Variants in UBE2J1 observed in about 807,000 individuals in gnomAD.
The protein encoded by UBE2J1 is ubiquitin conjugating enzyme E2 J1, also known as ubiquitin-conjugating enzyme E2 J1.
UBE2J1 carries 17 observed loss-of-function variants against 42.1 expected under a neutral mutation model. The ratio of observed to expected loss-of-function variants is 0.40; its 90% CI spans 0.28 to 0.61. UBE2J1 has a LOEUF of 0.61. Among genes scored for constraint, UBE2J1 ranks in the 20% least tolerant of loss-of-function variants. UBE2J1 has a pLI of 0.38. For missense variants in UBE2J1, 291 were observed against 389.4 expected (o/e 0.75, Z 2.13); for synonymous variants, 127 against 137.2 (o/e 0.93, Z 0.52).
chr6:89,352,539 C>A lies in UBE2J1; in HGVS notation c.31G>T (p.Ala11Ser), dbSNP rs867801291. Residue 11 changes from alanine (A) to serine (S), a missense_variant and splice_region_variant, in exon 1 of 8, where the codon GCT becomes TCT. Coordinates refer to ENST00000435041, the MANE Select transcript of UBE2J1 (RefSeq NM_016021.3). Reference sequence around the variant, plus strand: ...GCCCAGGGGCCCCAGCCCTGCTCACCCGGACTCTTCAGGTTGTAGCGGGTC... The same window carrying A: ...GCCCAGGGGCCCCAGCCCTGCTCACACGGACTCTTCAGGTTGTAGCGGGTC... METRYNLKSP[A>S]VKRLMKEAAE... is the part of the protein sequence containing the mutation. 2 of 1,571,014 alleles carry A rather than the reference C, an allele frequency of 1.3e-6. No individual in the cohort carries two copies. Among genetic ancestry groups the A allele is most frequent in the East Asian group, 5.0e-5 (2 of 39,850 alleles).
Position 89,345,729 on chromosome 6 carries a change from G to GA in UBE2J1, c.32-1974dup, listed in dbSNP as rs544048948. Among the ~76,000 whole-genome samples the GA allele has an allele frequency of 3.7e-3, 567 of 151,814 alleles. 4 individuals are homozygous for GA. The highest frequency in any genetic ancestry group is 0.012 in the African/African-American group (497 of 41,344). Reference sequence around the variant, plus strand: ...TTGAAACCAGCCTGACCAGCATAGTGAAACCCCATCTCTACTAAAAATACA... The same window carrying GA: ...TTGAAACCAGCCTGACCAGCATAGTGAAAACCCCATCTCTACTAAAAATACA... On this transcript the variant is annotated intron_variant, in intron 1 of 7. Coordinates refer to ENST00000435041, the MANE Select transcript of UBE2J1 (RefSeq NM_016021.3).
At chr6:89,343,292 G>T (rs1472341801) in intron 2 of UBE2J1, among the ~76,000 whole-genome samples, 1 of 151,914 alleles carries the variant, frequency 6.6e-6, no homozygotes, top group South Asian at 2.1e-4. Flanking sequence ...AAAATTAGCC[G>T]GGCGTGGTGG....
chr6:89,352,674 AGGAGCCTCGGCAAATGC>A lies in UBE2J1; in HGVS notation c.-122_-106del. The stretch of plus-strand genomic sequence containing the variant: ...GGCTCGGGCGGACGGGGCCTGGCCG[AGGAGCCTCGGCAAATGC>A]CGCCCAGTCCAGCCTGGACTGCGGG... On this transcript the variant is annotated 5_prime_UTR_variant, in exon 1 of 8. Transcript: ENST00000435041. 7.6e-6 allele frequency: 10 copies of A among 1,321,282 alleles called. No individual in the cohort carries two copies. The highest frequency in any genetic ancestry group is 9.9e-6 in the Non-Finnish European group (10 of 1,007,874). The allele number at this position is 1,321,282 out of a possible 1,614,324, so 81.8% of individuals were successfully genotyped here.
In UBE2J1 at chr6:89,332,088, A is replaced by G. The variant is rs116375563; in HGVS notation, c.678+998T>C. ...CTCTCTGAATAGGAGAGACTCACTC[A>G]AGACTATTCACTCCCACTTTACGTA... On this transcript the variant is annotated intron_variant, in intron 7 of 7. Coordinates refer to ENST00000435041, the MANE Select transcript of UBE2J1 (RefSeq NM_016021.3). 9.0e-3 allele frequency among the ~76,000 whole-genome samples: 1,365 copies of G among 152,280 alleles called. 12 individuals carry two copies. Among genetic ancestry groups the G allele is most frequent in the African/African-American group, 0.026 (1,069 of 41,550 alleles).
intron 3 of UBE2J1, among the ~76,000 whole-genome samples, chr6:89,341,207 T>C (rs1768241116): frequency 1.3e-5 from 2 of 152,242 alleles, no homozygotes; most frequent in African/African-American, 4.8e-5. Flanking sequence ...CTGAGATTGG[T>C]GTAGTTTCAT....
chr6:89,345,283 G>A (rs1450184513), intron 1 of UBE2J1, among the ~76,000 whole-genome samples: 3 of 152,130 alleles, frequency 2.0e-5, no homozygotes, highest in Non-Finnish European at 4.4e-5. Context: ...ACAATGGTTT[G>A]GTATGTATCA....
At position 89,340,035 on chromosome 6, in the gene UBE2J1, A is replaced by C. The variant is rs1768213929; in HGVS notation, c.238-1492T>G. ...TATCTCAAGTTAAAAAAAAAAAAAG[A>C]ATCTAAAAGAGAAGACATTCAAGAG... On this transcript the variant is annotated intron_variant, in intron 3 of 7. Coordinates refer to ENST00000435041, the MANE Select transcript of UBE2J1 (RefSeq NM_016021.3). Among the ~76,000 whole-genome samples the C allele has an allele frequency of 2.0e-5, 3 of 148,706 alleles. No homozygotes were observed. In the South Asian group the frequency reaches 6.5e-4, roughly 32 times the overall value.
rs1424212632 is a variant in UBE2J1, at chr6:89,326,812, C to A, written c.*2867G>T. 6.6e-6 allele frequency: 1 copy of A among 152,042 alleles called. No individual in the cohort carries two copies. The highest frequency in any genetic ancestry group is 2.4e-5 in the African/African-American group (1 of 41,388). The allele number at this position is 152,042 out of a possible 1,614,324, so 9.4% of individuals were successfully genotyped here. On this transcript the variant is annotated 3_prime_UTR_variant, in exon 8 of 8. Coordinates refer to ENST00000435041, the MANE Select transcript of UBE2J1 (RefSeq NM_016021.3). Reference sequence around the variant, plus strand: ...AAATGCATTAACCTTACATATACTTCCAATTAAAAAAACACATAGGCTTTT... The same window carrying A: ...AAATGCATTAACCTTACATATACTTACAATTAAAAAAACACATAGGCTTTT...
chr6:89,338,367 T>A, intron 4 of UBE2J1, 57 bp from the exon 5 acceptor site: 3 of 1,583,400 alleles, frequency 1.9e-6, no homozygotes, highest in Non-Finnish European at 2.6e-6. Context: ...ACTGGGTTTA[T>A]TCTGGAAAAA....
At chr6:89,343,005 C>T (rs948081228) in intron 2 of UBE2J1, among the ~76,000 whole-genome samples, 1 of 151,962 alleles carries the variant, frequency 6.6e-6, no homozygotes. Context: ...ATTTAAATAC[C>T]CTCCTTTTAC....
At chr6:89,336,970 G>C (rs1768118840) in intron 5 of UBE2J1, among the ~76,000 whole-genome samples, 1 of 151,750 alleles carries the variant, frequency 6.6e-6, no homozygotes, top group Non-Finnish European at 1.5e-5. Flanking sequence ...TCTCTAAGTA[G>C]CTGAGACTAC....
intron 3 of UBE2J1, among the ~76,000 whole-genome samples, chr6:89,339,970 C>T (rs1768212159): frequency 6.6e-6 from 1 of 150,748 alleles, no homozygotes; most frequent in African/African-American, 2.4e-5. Context: ...GAGCTGTGAT[C>T]ATGCTATTGG....
intron 1 of UBE2J1, among the ~76,000 whole-genome samples, chr6:89,346,197 C>T (rs1409701288): frequency 6.6e-6 from 1 of 152,066 alleles, no homozygotes. Context: ...TGTTACTATC[C>T]TACTTCACAA....
Position 89,338,316 on chromosome 6 carries a change from A to G in UBE2J1, c.323-6T>C, listed in dbSNP as rs771028963. 6.2e-7 allele frequency: 1 copy of G among 1,608,434 alleles called. No homozygotes were observed. The highest frequency in any genetic ancestry group is 8.5e-7 in the Non-Finnish European group (1 of 1,177,720). ...GGCTAATAATGCTGTCCTTACTGAA[A>G]TAAAAAAGTAAATATCAATCTAAAT... On this transcript the variant is annotated splice_region_variant and splice_polypyrimidine_tract_variant and intron_variant, in intron 4 of 7. Coordinates refer to ENST00000435041, the MANE Select transcript of UBE2J1 (RefSeq NM_016021.3).
chr6:89,332,671 G>C (rs1263486666), intron 7 of UBE2J1, among the ~76,000 whole-genome samples: 1 of 152,174 alleles, frequency 6.6e-6, no homozygotes, highest in Non-Finnish European at 1.5e-5. Context: ...TACTGTGTTG[G>C]ACAGAGCAAG....
At chr6:89,341,707 G>A (rs572070245) in intron 3 of UBE2J1, among the ~76,000 whole-genome samples, 1 of 150,686 alleles carries the variant, frequency 6.6e-6, no homozygotes, top group Admixed American at 6.6e-5. Flanking sequence ...CTGGGCAACA[G>A]AGAAAGACCG....
chr6:89,350,284 T>A (rs375321810), intron 1 of UBE2J1, among the ~76,000 whole-genome samples: 1 of 152,222 alleles, frequency 6.6e-6, no homozygotes, highest in Non-Finnish European at 1.5e-5. Flanking sequence ...CCACATCAGA[T>A]AAAGAGTAAA....
intron 1 of UBE2J1, among the ~76,000 whole-genome samples, chr6:89,352,152 T>C (rs1768495682): frequency 6.6e-6 from 1 of 152,114 alleles, no homozygotes; most frequent in Non-Finnish European, 1.5e-5. Flanking sequence ...TAAATAGAAG[T>C]AAATAGAAGT....
rs917607613 is a variant in UBE2J1 at position 89,329,429 on chromosome 6, C to A, written c.*250G>T. ...AAAGAAGATGAAACATGAGAAAAAACAAGTTATTTCCCTGCAAAGCAGATC... is the reference window on the plus strand; with the variant it reads ...AAAGAAGATGAAACATGAGAAAAAAAAAGTTATTTCCCTGCAAAGCAGATC... On this transcript the variant is annotated 3_prime_UTR_variant, in exon 8 of 8. Transcript: ENST00000435041. The A allele has an allele frequency of 1.3e-5, 6 of 448,936 alleles. No homozygotes were observed. Among genetic ancestry groups the A allele is most frequent in the East Asian group, 4.3e-5 (1 of 23,164 alleles). The allele number at this position is 448,936 out of a possible 1,614,324, so 27.8% of individuals were successfully genotyped here.
Sources: gnomAD v4.1 joint callset for allele counts (sites outside exome capture counted in the v4.1 genomes callset) on GRCh38, gnomAD v4.1.1 for gene constraint, MANE v1.5 for transcripts, NCBI Gene and HGNC (gene_info 2026-07-23, HGNC 2026-07-21) for gene names.